The following FUBP1 variants were observed in gnomAD, a reference collection of about 807,000 sequenced individuals.
FUBP1 encodes far upstream element-binding protein 1.
Under a neutral mutation model 94.9 loss-of-function variants are expected in FUBP1, and 16 were observed. The ratio of observed to expected loss-of-function variants is 0.17; its 90% CI spans 0.11 to 0.26. The LOEUF (loss-of-function observed/expected upper bound fraction) is 0.26, where lower values mean the gene tolerates loss of function less well. FUBP1 is among the 10% of genes least tolerant of loss of function. The probability of loss-of-function intolerance (pLI) is 1.00; values close to 1 mark genes in which losing one functional copy is unlikely to be tolerated. For synonymous variants in FUBP1, 279 were observed against 254.9 expected (o/e 1.09, Z -0.90); for missense variants, 583 against 808.6 (o/e 0.72, Z 3.38).
intron 14 of FUBP1, among the ~76,000 whole-genome samples, chr1:77,962,236 G>A (rs1183894679): frequency 6.6e-6 from 1 of 152,092 alleles, no homozygotes. Flanking sequence ...TTAGATGCTG[G>A]GCCCTATCCC....
chr1:77,967,867 T>C (rs1018359971), intron 3 of FUBP1, among the ~76,000 whole-genome samples: 1 of 152,132 alleles, frequency 6.6e-6, no homozygotes, highest in Admixed American at 6.5e-5. Flanking sequence ...GACATTATAT[T>C]AGCAATGGCA....
chr1:77,975,090 G>A (rs1658352648), intron 1 of FUBP1, among the ~76,000 whole-genome samples: 1 of 152,144 alleles, frequency 6.6e-6, no homozygotes, highest in African/African-American at 2.4e-5. Context: ...TTGTATTGCT[G>A]GACTGTTCTT....
In FUBP1 at chr1:77,948,259, C is replaced by T. The variant is rs1284107143; in HGVS notation, c.*507G>A. ...AAAGATCCTCCAATCTACCACTATA[C>T]TGCAAGGGGGGAAAAACATGCCAGT... On this transcript the variant is annotated 3_prime_UTR_variant, in exon 20 of 20. Coordinates refer to ENST00000370768, the MANE Select transcript of FUBP1 (RefSeq NM_003902.5). 3.8e-6 allele frequency: 4 copies of T among 1,056,012 alleles called. No homozygotes were observed. The African/African-American group carries it at 6.6e-5, about 17-fold the overall frequency. The allele number at this position is 1,056,012 out of a possible 1,614,324, so 65.4% of individuals were successfully genotyped here.
rs1301140091 is a variant in FUBP1 at position 77,964,013 on chromosome 1, A to C, written c.1041+49T>G. On this transcript the variant is annotated intron_variant, in intron 12 of 19. Transcript: ENST00000370768. ...GTAACTTCAGATTTCATGAAGGAAA[A>C]TACTTTTCCATAAAAACAAAAAATG... The C allele has an allele frequency of 3.6e-6, 4 of 1,100,808 alleles. No individual in the cohort carries two copies. The South Asian group carries it at 5.0e-5, about 14-fold the overall frequency. The allele number at this position is 1,100,808 out of a possible 1,614,324, so 68.2% of individuals were successfully genotyped here.
rs777758817 is a variant in FUBP1, at chr1:77,960,511, T to A, written c.1345-16A>T. On this transcript the variant is annotated splice_polypyrimidine_tract_variant and intron_variant, in intron 14 of 19. Coordinates refer to ENST00000370768, the MANE Select transcript of FUBP1 (RefSeq NM_003902.5). ...TTACTGGGCCCTACAAAAAAAAGGA[T>A]GACATAGAAAAATCAGAAAAACACA... The A allele has an allele frequency of 1.3e-6, 2 of 1,588,724 alleles. No homozygotes were observed. Among genetic ancestry groups the A allele is most frequent in the African/African-American group, 2.7e-5 (2 of 73,790 alleles).
Position 77,962,829 on chromosome 1 carries a change from T to C in FUBP1, c.1285A>G (p.Ile429Val), listed in dbSNP as rs549083184. 1.1e-5 allele frequency: 17 copies of C among 1,612,376 alleles called. No homozygotes were observed. The African/African-American group carries it at 1.1e-4, about 10-fold the overall frequency. The change falls in exon 14 of 20, where the codon ATT becomes GTT. Residue 429 changes from isoleucine to valine, a missense_variant. Coordinates refer to ENST00000370768, the MANE Select transcript of FUBP1 (RefSeq NM_003902.5). ...NADPNMKLFTIRGTPQQIDYA... is the reference protein window; with the variant it reads ...NADPNMKLFTVRGTPQQIDYA... ...TCTATCTGTTGTGGAGTGCCACGAATTGTAAATAACTTCATATTAGGATCT... is the reference window on the plus strand; with the variant it reads ...TCTATCTGTTGTGGAGTGCCACGAACTGTAAATAACTTCATATTAGGATCT...
intron 7 of FUBP1, among the ~76,000 whole-genome samples, 163 bp from the exon 8 acceptor site, chr1:77,965,394 T>C (rs1180192227): frequency 6.6e-6 from 1 of 152,160 alleles, no homozygotes; most frequent in Non-Finnish European, 1.5e-5. Flanking sequence ...TGAAAGAAAA[T>C]GCCATCAAGG....
rs376575321 is a variant in FUBP1, at chr1:77,962,767, C to T, written c.1344+3G>A. 6.2e-7 allele frequency: 1 copy of T among 1,605,628 alleles called. No individual in the cohort carries two copies. Among genetic ancestry groups the T allele is most frequent in the Non-Finnish European group, 8.5e-7 (1 of 1,173,404 alleles). ...AAAAATTAAAAGTTTAAAGTATACT[C>T]ACACCAATCTTTTCTTCTATGAGTT... On this transcript the variant is annotated splice_donor_region_variant and intron_variant, in intron 14 of 19. Coordinates refer to ENST00000370768, the MANE Select transcript of FUBP1 (RefSeq NM_003902.5).
In FUBP1 at chr1:77,965,222, T is replaced by A; in HGVS notation, c.483A>T (p.Lys161Asn). The change falls in exon 8 of 20, where the codon AAA becomes AAT. Residue 161 changes from lysine to asparagine, a missense_variant. By Grantham distance (94) the Lys-to-Asn change is moderately conservative. Transcript: ENST00000370768. ...TTTCAACAATCTGGTCCAGTAACCGTTTTGCTGACCTGTTAACAAATTAAT... is the reference window on the plus strand; with the variant it reads ...TTTCAACAATCTGGTCCAGTAACCGATTTGCTGACCTGTTAACAAATTAAT... ...TGTPESVQSA[K>N]RLLDQIVEKG... The A allele has an allele frequency of 6.2e-7, 1 of 1,601,908 alleles. No individual in the cohort carries two copies. The highest frequency in any genetic ancestry group is 8.5e-7 in the Non-Finnish European group (1 of 1,170,014).
intron 2 of FUBP1, 95 bp from the exon 3 acceptor site, chr1:77,968,298 A>T: frequency 1.4e-6 from 1 of 726,232 alleles, no homozygotes; most frequent in African/African-American, 1.9e-5. Context: ...CATTTATTGA[A>T]ATATCTGAAG....
intron 19 of FUBP1, 137 bp from the exon 20 acceptor site, chr1:77,948,911 A>G (rs1652768972): frequency 3.3e-6 from 4 of 1,205,824 alleles, no homozygotes; most frequent in Non-Finnish European, 3.6e-6. Flanking sequence ...TGATTTGCAA[A>G]TCCCTGGGGG....
At chr1:77,967,807 A>G (rs1656789724) in intron 3 of FUBP1, 141 bp from the exon 4 acceptor site, 3 of 580,516 alleles carry the variant, frequency 5.2e-6, no homozygotes, top group African/African-American at 1.9e-5. Flanking sequence ...AATTTTTTAC[A>G]CAATATTTAT....
rs2102226232 is a variant in FUBP1, at chr1:77,948,417, C to T, written c.*349G>A. The T allele has an allele frequency of 9.2e-7, 1 of 1,089,856 alleles. No homozygotes were observed. The highest frequency in any genetic ancestry group is 3.9e-4 in the Middle Eastern group (1 of 2,552). 67.5% of individuals were successfully genotyped at this position (1,089,856 alleles called of 1,614,324 possible). A position where few individuals can be genotyped will look rare whatever the true frequency, so the allele number is the denominator to read the frequency against. ...CTTACCGACACAGGAGGTTTCATAT[C>T]ATTTATTGTAAAGCACAAAACAGGC... On this transcript the variant is annotated 3_prime_UTR_variant, in exon 20 of 20. Transcript: ENST00000370768.
chr1:77,958,007 G>A (rs1278192869), intron 16 of FUBP1, among the ~76,000 whole-genome samples: 1 of 151,996 alleles, frequency 6.6e-6, no homozygotes, highest in East Asian at 1.9e-4. Flanking sequence ...TGCCAGGCTG[G>A]TCTCCAACTC....
At chr1:77,955,827 C>A (rs1396000171) in intron 17 of FUBP1, among the ~76,000 whole-genome samples, 1 of 152,100 alleles carries the variant, frequency 6.6e-6, no homozygotes, top group Non-Finnish European at 1.5e-5. Context: ...TCAGTAGCAA[C>A]AAGCATACTC....
chr1:77,974,136 T>C (rs967795075), intron 1 of FUBP1, among the ~76,000 whole-genome samples: 2 of 141,844 alleles, frequency 1.4e-5, no homozygotes, highest in Non-Finnish European at 3.0e-5. Context: ...ATTTTTTGGT[T>C]TTTTTTTTTT....
chr1:77,954,684 T>C (rs1455474259), intron 18 of FUBP1, among the ~76,000 whole-genome samples: 1 of 152,182 alleles, frequency 6.6e-6, no homozygotes, highest in African/African-American at 2.4e-5. Flanking sequence ...TTAGCTTTCA[T>C]TTGTGACATC....
In FUBP1 at chr1:77,968,168, C is replaced by A; in HGVS notation, c.247G>T (p.Asp83Tyr). Residue 83 changes from aspartate (D) to tyrosine (Y), a missense_variant, in exon 3 of 20, where the codon GAC becomes TAC. Coordinates refer to ENST00000370768, the MANE Select transcript of FUBP1 (RefSeq NM_003902.5). ...PDAKKVAPQN[D>Y]SFGTQLPPMH... ...CCAGTTTAAAAGGAATACTTACAGT[C>A]ATTTTGAGGAGCAACTTTCTTAGCA... The A allele has an allele frequency of 1.3e-6, 2 of 1,530,516 alleles. No individual in the cohort carries two copies. Among genetic ancestry groups the A allele is most frequent in the South Asian group, 1.2e-5 (1 of 80,224 alleles). 94.8% of individuals were successfully genotyped at this position (1,530,516 alleles called of 1,614,324 possible). A position where few individuals can be genotyped will look rare whatever the true frequency, so the allele number is the denominator to read the frequency against.
chr1:77,972,340 T>C (rs1361551035), intron 1 of FUBP1, among the ~76,000 whole-genome samples: 1 of 152,162 alleles, frequency 6.6e-6, no homozygotes, highest in Non-Finnish European at 1.5e-5. Flanking sequence ...ATAAATACTC[T>C]ATGAGTTTGC....
Sources: gnomAD v4.1 joint callset for allele counts (sites outside exome capture counted in the v4.1 genomes callset) on GRCh38, gnomAD v4.1.1 for gene constraint, MANE v1.5 for transcripts, NCBI Gene and HGNC (gene_info 2026-07-23, HGNC 2026-07-21) for gene names.